Variants in ACRV1 observed in about 807,000 individuals in gnomAD.
ACRV1 encodes the protein acrosomal protein SP-10.
ACRV1 carries 17 observed loss-of-function variants against 29.2 expected under a neutral mutation model. The observed-to-expected ratio is 0.58, with a 90% confidence interval of 0.40 to 0.87. The LOEUF (loss-of-function observed/expected upper bound fraction) is 0.87. ACRV1 is among the 40% of genes least tolerant of loss of function. The pLI is 0.00. For missense variants in ACRV1, 294 were observed against 316.0 expected (o/e 0.93, Z 0.53); for synonymous variants, 98 against 111.6 (o/e 0.88, Z 0.77).
Position 125,672,809 on chromosome 11 carries a change from G to T in ACRV1, c.674-92C>A, listed in dbSNP as rs958667156. 4 of 1,470,248 alleles carry T rather than the reference G, an allele frequency of 2.7e-6. No individual in the cohort carries two copies. In the African/African-American group the frequency reaches 5.6e-5, roughly 21 times the overall value. The allele number at this position is 1,470,248 out of a possible 1,614,324, so 91.1% of individuals were successfully genotyped here. ...ATGCTCAGTGTCTCCATGCAGGATG[G>T]TCAAGACCTCCACTTGTCCATTATC... On this transcript the variant is annotated intron_variant, in intron 3 of 3. Transcript: ENST00000533904.
At chr11:125,678,978 T>TTATTTATATATATATATATA (rs1555078665) in intron 1 of ACRV1, among the ~76,000 whole-genome samples, 5 of 88,436 alleles carry the variant, frequency 5.7e-5, no homozygotes, top group Non-Finnish European at 4.5e-5. Flanking sequence ...TCTAGGCATA[T>TTATTTATATATATATATATA]TATATATATA....
chr11:125,673,895 A>G (rs1942343882), intron 3 of ACRV1, among the ~76,000 whole-genome samples: 1 of 152,170 alleles, frequency 6.6e-6, no homozygotes, highest in South Asian at 2.1e-4. Flanking sequence ...ACAGTGGCTC[A>G]TGCCTGTAAT....
chr11:125,679,423 G>C (rs565237515), intron 1 of ACRV1, among the ~76,000 whole-genome samples: 1 of 152,024 alleles, frequency 6.6e-6, no homozygotes, highest in South Asian at 2.1e-4. Flanking sequence ...TCGCCATGTT[G>C]GCCAGGCTGG....
intron 3 of ACRV1, 47 bp downstream of exon 3, chr11:125,676,312 G>A: frequency 3.7e-6 from 6 of 1,608,584 alleles, no homozygotes; most frequent in Non-Finnish European, 4.3e-6. Flanking sequence ...CCAGAAGTAA[G>A]TTGATGTGTT....
Position 125,677,802 on chromosome 11 carries a change from G to C in ACRV1, c.548C>G (p.Ser183Cys), listed in dbSNP as rs1304652313. ...CCCATCCAAACATGGCTCACCTGTA[G>C]ATGTGCTTGAAATTGGTGCACCTGA... ...QASGAPISST[S>C]TGTILNCYTC... Residue 183 changes from serine to cysteine, a missense_variant, in exon 2 of 4, where the codon TCT (serine) becomes TGT (cysteine). Coordinates refer to ENST00000533904, the MANE Select transcript of ACRV1 (RefSeq NM_001612.6). 1 of 1,613,990 alleles carries C rather than the reference G, an allele frequency of 6.2e-7. No individual in the cohort carries two copies. The highest frequency in any genetic ancestry group is 2.2e-5 in the East Asian group (1 of 44,896).
intron 1 of ACRV1, 48 bp downstream of exon 1, chr11:125,680,681 A>C: frequency 2.6e-6 from 4 of 1,555,172 alleles, no homozygotes; most frequent in Non-Finnish European, 3.5e-6. Flanking sequence ...GAAATGTCTT[A>C]AGGGAGACCC....
At chr11:125,679,791 C>A (rs941158736) in intron 1 of ACRV1, among the ~76,000 whole-genome samples, 3 of 152,168 alleles carry the variant, frequency 2.0e-5, no homozygotes, top group East Asian at 1.9e-4. Flanking sequence ...GCAGTACTTA[C>A]AATCAGTGAC....
Position 125,678,122 on chromosome 11 carries a change from G to A in ACRV1, c.228C>T (p.Ser76=), listed in dbSNP as rs1942615321. ...SEHGSSEHGS[S]KHTVAEHTSG... ...AAGTGTGCTCGGCCACAGTGTGCTT[G>A]CTTGAACCATGCTCACTGGAACCAT... Residue 76 remains serine, a synonymous_variant, in exon 2 of 4, where the codon AGC becomes AGT. Coordinates refer to ENST00000533904, the MANE Select transcript of ACRV1 (RefSeq NM_001612.6). 6.2e-7 allele frequency: 1 copy of A among 1,614,050 alleles called. No individual in the cohort carries two copies. Among genetic ancestry groups the A allele is most frequent in the Non-Finnish European group, 8.5e-7 (1 of 1,180,038 alleles).
intron 2 of ACRV1, among the ~76,000 whole-genome samples, chr11:125,677,442 G>C (rs1335518837): frequency 2.0e-5 from 3 of 152,216 alleles, no homozygotes; most frequent in Non-Finnish European, 4.4e-5. Flanking sequence ...GGCAGGGTTA[G>C]CATAAAGCTA....
chr11:125,672,770 A>T, intron 3 of ACRV1, 53 bp from the exon 4 acceptor site: 1 of 1,606,688 alleles, frequency 6.2e-7, no homozygotes, highest in Non-Finnish European at 8.5e-7. Context: ...CTCCAACCTT[A>T]GCCTTTATCT....
rs909479578 is a variant in ACRV1, at chr11:125,671,625, TGTG to T, written c.*965_*967del. The T allele has an allele frequency of 7.9e-5, 12 of 152,226 alleles. No homozygotes were observed. The highest frequency in any genetic ancestry group is 1.8e-4 in the Non-Finnish European group (12 of 68,042). The allele number at this position is 152,226 out of a possible 1,614,324, so 9.4% of individuals were successfully genotyped here. On this transcript the variant is annotated 3_prime_UTR_variant, in exon 4 of 4. Coordinates refer to ENST00000533904, the MANE Select transcript of ACRV1 (RefSeq NM_001612.6). ...TTAGAACCATTCTGGCTACTTTCAT[TGTG>T]GTGGAAACAGCTCAGATTTAGATCT...
intron 1 of ACRV1, among the ~76,000 whole-genome samples, chr11:125,678,978 T>TTATATATATATATATATA (rs10522682): frequency 0.034 from 2,970 of 88,006 alleles, 206 homozygotes; most frequent in Admixed American, 0.048. Flanking sequence ...TCTAGGCATA[T>TTATATATATATATATATA]TATATATATA....
chr11:125,672,780 T>C (rs1942265134), intron 3 of ACRV1, 63 bp from the exon 4 acceptor site: 1 of 1,596,112 alleles, frequency 6.3e-7, no homozygotes, highest in South Asian at 1.1e-5. Context: ...AGCCTTTATC[T>C]GTGATGCTCA....
At chr11:125,674,076 A>G (rs775957694) in intron 3 of ACRV1, among the ~76,000 whole-genome samples, 44 of 152,010 alleles carry the variant, frequency 2.9e-4, no homozygotes, top group Admixed American at 1.1e-3. Context: ...GCTGGGGGGC[A>G]GAGGTTGCAG....
At position 125,672,491 on chromosome 11, in the gene ACRV1, T is replaced by C. The variant is rs1942238632; in HGVS notation, c.*102A>G. The C allele has an allele frequency of 1.5e-6, 2 of 1,362,562 alleles. No homozygotes were observed. Among genetic ancestry groups the C allele is most frequent in the Non-Finnish European group, 2.0e-6 (2 of 989,254 alleles). 84.4% of individuals were successfully genotyped at this position (1,362,562 alleles called of 1,614,324 possible). A position where few individuals can be genotyped will look rare whatever the true frequency, so the allele number is the denominator to read the frequency against. On this transcript the variant is annotated 3_prime_UTR_variant, in exon 4 of 4. Coordinates refer to ENST00000533904, the MANE Select transcript of ACRV1 (RefSeq NM_001612.6). ...CCTAATGCTCAGGCAGAGGCAGATG[T>C]GGTCAGTTGTTGACTGGGGAAGGAA...
intron 1 of ACRV1, among the ~76,000 whole-genome samples, 170 bp downstream of exon 1, chr11:125,680,559 A>G (rs1045747786): frequency 2.0e-5 from 3 of 152,202 alleles, no homozygotes; most frequent in Non-Finnish European, 4.4e-5. Context: ...AGCTATGACT[A>G]GAGAAATCAA....
Position 125,680,754 on chromosome 11 carries a change from A to G in ACRV1, c.27T>C (p.Ser9=). 1 of 1,613,890 alleles carries G rather than the reference A, an allele frequency of 6.2e-7. No individual in the cohort carries two copies. ...CTCTGGCAGATCCAAGCAGATAAAG[A>G]CTCATTAGCAAGAGAAACCTGTTCA... MNRFLLLM[S]LYLLGSARGT... Residue 9 remains serine (S), a synonymous_variant, in exon 1 of 4, where the codon AGT becomes AGC. Coordinates refer to ENST00000533904, the MANE Select transcript of ACRV1 (RefSeq NM_001612.6).
chr11:125,672,598 T>A lies in ACRV1; in HGVS notation c.793A>T (p.Ile265Phe). 2 of 1,614,012 alleles carry A rather than the reference T, an allele frequency of 1.2e-6. No homozygotes were observed. The highest frequency in any genetic ancestry group is 1.7e-6 in the Non-Finnish European group (2 of 1,179,996). Residue 265 changes from isoleucine (I) to phenylalanine (F), a missense_variant, in exon 4 of 4, where the codon ATC becomes TTC. Coordinates refer to ENST00000533904, the MANE Select transcript of ACRV1 (RefSeq NM_001612.6). ...CCRNQSFCNKI is the reference protein window; with the variant it reads ...CCRNQSFCNKF ...ACAAGCAAGGGCCCAGGCTTCTAGA[T>A]CTTATTGCAGAAAGATTGATTTCGA...
intron 1 of ACRV1, among the ~76,000 whole-genome samples, chr11:125,679,650 A>C (rs1942706452): frequency 6.6e-6 from 1 of 152,234 alleles, no homozygotes; most frequent in Non-Finnish European, 1.5e-5. Context: ...AGTAGACTAC[A>C]ACAACCAAGT....
Sources: gnomAD v4.1 joint callset for allele counts (sites outside exome capture counted in the v4.1 genomes callset) on GRCh38, gnomAD v4.1.1 for gene constraint, MANE v1.5 for transcripts, NCBI Gene and HGNC (gene_info 2026-07-23, HGNC 2026-07-21) for gene names.